Variants in MAST2 observed in about 807,000 individuals in gnomAD.
The protein encoded by MAST2 is microtubule associated serine/threonine kinase 2.
MAST2 carries 70 observed loss-of-function variants against 147.4 expected under a neutral mutation model. That is an observed-to-expected ratio of 0.47 (90% CI 0.39 to 0.58). The LOEUF (loss-of-function observed/expected upper bound fraction) is 0.58, where lower values mean the gene tolerates loss of function less well. Ranked by LOEUF, MAST2 falls within the 20% of genes least tolerant of loss-of-function variation. The pLI, the probability that MAST2 is intolerant of heterozygous loss-of-function variation, is 0.00. For synonymous variants in MAST2, 869 were observed against 896.8 expected (o/e 0.97, Z 0.55); for missense variants, 2,080 against 2,302.3 (o/e 0.90, Z 1.98).
At chr1:45,846,373 T>A (rs928885597) in intron 3 of MAST2, among the ~76,000 whole-genome samples, 1 of 152,166 alleles carries the variant, frequency 6.6e-6, no homozygotes, top group Non-Finnish European at 1.5e-5. Flanking sequence ...AATTAGATGA[T>A]CATAAATATA....
chr1:45,863,918 A>G (rs1164736688), intron 3 of MAST2, among the ~76,000 whole-genome samples: 1 of 152,224 alleles, frequency 6.6e-6, no homozygotes. Flanking sequence ...TGCCTTCACT[A>G]ACAATTTTGT....
intron 5 of MAST2, among the ~76,000 whole-genome samples, chr1:45,977,469 CAA>C (rs761563196): frequency 2.0e-5 from 3 of 149,636 alleles, no homozygotes; most frequent in Non-Finnish European, 3.0e-5. Flanking sequence ...GCTTGGGCGA[CAA>C]GAGGGAAACT....
At chr1:45,863,354 G>C (rs1481022924) in intron 3 of MAST2, among the ~76,000 whole-genome samples, 1 of 152,094 alleles carries the variant, frequency 6.6e-6, no homozygotes, top group Non-Finnish European at 1.5e-5. Flanking sequence ...TCAGCTGTCT[G>C]TTCAGGTCTT....
intron 3 of MAST2, among the ~76,000 whole-genome samples, chr1:45,852,382 T>G (rs10890357): frequency 0.8 from 121,034 of 151,938 alleles, 48,693 homozygotes; most frequent in East Asian, 0.98. Flanking sequence ...TTCCTTTTGA[T>G]ACAGGGTCTC....
intron 4 of MAST2, among the ~76,000 whole-genome samples, chr1:45,898,936 A>T (rs1195866439): frequency 1.3e-5 from 2 of 152,102 alleles, no homozygotes; most frequent in Non-Finnish European, 2.9e-5. Context: ...CATGCTCCAT[A>T]TGGGCATTCT....
At chr1:46,027,095 T>TG (rs1646445719) in intron 16 of MAST2, among the ~76,000 whole-genome samples, 1 of 152,172 alleles carries the variant, frequency 6.6e-6, no homozygotes, top group African/African-American at 2.4e-5. Context: ...TTCTGGAGCC[T>TG]GTAAGACACA....
intron 3 of MAST2, among the ~76,000 whole-genome samples, chr1:45,867,656 G>A (rs2148128661): frequency 6.6e-6 from 1 of 152,286 alleles, no homozygotes; most frequent in South Asian, 2.1e-4. Flanking sequence ...ATAACAGATT[G>A]GAGGGGTGAT....
intron 6 of MAST2, among the ~76,000 whole-genome samples, chr1:45,999,977 A>G (rs1008127483): frequency 2.0e-5 from 3 of 152,242 alleles, no homozygotes; most frequent in Non-Finnish European, 4.4e-5. Context: ...TTTATAAATT[A>G]TGACAAGCAC....
intron 3 of MAST2, among the ~76,000 whole-genome samples, chr1:45,841,676 C>T (rs542794075): frequency 6.6e-6 from 1 of 152,196 alleles, no homozygotes; most frequent in African/African-American, 2.4e-5. Flanking sequence ...AATTTACTGA[C>T]AGCAGTATAG....
chr1:45,993,664 A>G (rs1644934729), intron 5 of MAST2, among the ~76,000 whole-genome samples: 1 of 152,140 alleles, frequency 6.6e-6, no homozygotes. Flanking sequence ...TGCCTGAGCA[A>G]CAAAATGAGA....
At chr1:46,016,975 A>T (rs1272595446) in intron 10 of MAST2, among the ~76,000 whole-genome samples, 1 of 151,930 alleles carries the variant, frequency 6.6e-6, no homozygotes. Context: ...ACCAAAACAG[A>T]GATATAGATC....
At position 45,925,190 on chromosome 1, in the gene MAST2, C is replaced by A. The variant is rs915256298; in HGVS notation, c.501-34196C>A. On this transcript the variant is annotated intron_variant, in intron 4 of 28. Transcript: ENST00000361297. Reference sequence around the variant, plus strand: ...GTCTTAGGACCTTACAAATTGTTGCCCGTAATAATTTGAAGGACAATGAAG... The same window carrying A: ...GTCTTAGGACCTTACAAATTGTTGCACGTAATAATTTGAAGGACAATGAAG... 7.9e-5 allele frequency among the ~76,000 whole-genome samples: 12 copies of A among 152,200 alleles called. 1 individual carries two copies. In the East Asian group the frequency reaches 2.3e-3, roughly 29 times the overall value.
intron 4 of MAST2, among the ~76,000 whole-genome samples, chr1:45,956,576 A>G (rs1053187418): frequency 6.6e-5 from 10 of 152,228 alleles, no homozygotes; most frequent in African/African-American, 2.4e-4. Flanking sequence ...AGTCCATACT[A>G]TGGTCAGTGT....
Position 45,803,813 on chromosome 1 carries a change from G to T in MAST2, c.-83G>T. 2.6e-6 allele frequency: 1 copy of T among 386,412 alleles called. No homozygotes were observed. The highest frequency in any genetic ancestry group is 4.4e-6 in the Non-Finnish European group (1 of 224,816). The allele number at this position is 386,412 out of a possible 1,614,324, so 23.9% of individuals were successfully genotyped here. ...CCGGCCATGGTGGCCGCGGGTGGTG[G>T]TTGGCGCGGCTGCGCTGCGGCCCGG... On this transcript the variant is annotated 5_prime_UTR_variant, in exon 1 of 29. Coordinates refer to ENST00000361297, the MANE Select transcript of MAST2 (RefSeq NM_015112.3).
chr1:45,846,346 C>T (rs967315086), intron 3 of MAST2, among the ~76,000 whole-genome samples: 12 of 151,976 alleles, frequency 7.9e-5, no homozygotes, highest in Non-Finnish European at 1.5e-4. Context: ...GGTTACTGTC[C>T]GTTTCACAAA....
At chr1:45,928,567 C>CTT (rs11374683) in intron 4 of MAST2, among the ~76,000 whole-genome samples, 98 of 143,712 alleles carry the variant, frequency 6.8e-4, no homozygotes, top group East Asian at 1.8e-3. Flanking sequence ...ATCACTCTTT[C>CTT]TTTTTTTTTT....
chr1:45,982,048 C>A (rs188583540), intron 5 of MAST2, among the ~76,000 whole-genome samples: 76 of 152,180 alleles, frequency 5.0e-4, no homozygotes, highest in Admixed American at 4.9e-3. Flanking sequence ...GGAGTTTCAC[C>A]ATGTTTGCCA....
intron 4 of MAST2, among the ~76,000 whole-genome samples, chr1:45,885,522 A>G (rs2148337753): frequency 6.6e-6 from 1 of 152,352 alleles, no homozygotes; most frequent in East Asian, 1.9e-4. Flanking sequence ...CTTCCACTCA[A>G]CAAGTAATTC....
intron 28 of MAST2, 54 bp from the exon 29 acceptor site, chr1:46,034,482 CTA>C: frequency 6.5e-7 from 1 of 1,549,020 alleles, no homozygotes; most frequent in Non-Finnish European, 8.8e-7. Context: ...TGAGTCACTT[CTA>C]ACAGCTAACA....
Sources: allele counts gnomAD v4.1 joint callset (sites outside exome capture counted in the v4.1 genomes callset), GRCh38; gene constraint gnomAD v4.1.1; transcripts MANE v1.5; gene names NCBI Gene and HGNC (gene_info 2026-07-23, HGNC 2026-07-21).